Variants in SLC25A24 observed in about 807,000 individuals in gnomAD.
SLC25A24 encodes the protein mitochondrial adenyl nucleotide antiporter SLC25A24.
Under a neutral mutation model 60.7 loss-of-function variants are expected in SLC25A24, and 49 were observed. The ratio of observed to expected loss-of-function variants is 0.81; its 90% CI spans 0.64 to 1.02. SLC25A24 has a LOEUF of 1.02. Ranked by LOEUF, SLC25A24 falls within the 50% of genes least tolerant of loss-of-function variation. The probability of loss-of-function intolerance (pLI) is 0.00; values close to 1 mark genes in which losing one functional copy is unlikely to be tolerated. For synonymous variants in SLC25A24, 202 were observed against 200.6 expected, an observed-to-expected ratio of 1.01 and a Z score of -0.06; for missense variants, 564 against 586.3, an observed-to-expected ratio of 0.96 and a Z score of 0.39.
At chr1:108,187,816 C>CA (rs1648184548) in intron 1 of SLC25A24, among the ~76,000 whole-genome samples, 1 of 149,092 alleles carries the variant, frequency 6.7e-6, no homozygotes, top group Non-Finnish European at 1.5e-5. Context: ...AGGGACATCA[C>CA]AAAAAAAGGA....
rs1648625527 is a variant in SLC25A24, at chr1:108,200,267, G to C, written c.-129C>G. 1.1e-6 allele frequency: 1 copy of C among 908,102 alleles called. No individual in the cohort carries two copies. Among genetic ancestry groups the C allele is most frequent in the Non-Finnish European group, 1.5e-6 (1 of 680,162 alleles). 56.3% of individuals were successfully genotyped at this position (908,102 alleles called of 1,614,324 possible). ...CGCAACAGCGTTTGGGGCGCCGTCG[G>C]GGTTGCGGCTGCGGCGCGCAGGGCG... On this transcript the variant is annotated 5_prime_UTR_variant, in exon 1 of 10. Transcript: ENST00000565488.
intron 1 of SLC25A24, among the ~76,000 whole-genome samples, chr1:108,188,508 A>T (rs956512532): frequency 6.6e-6 from 1 of 152,218 alleles, no homozygotes; most frequent in African/African-American, 2.4e-5. Context: ...ATGTCACAGC[A>T]TTCTGTGGCG....
intron 4 of SLC25A24, among the ~76,000 whole-genome samples, chr1:108,160,780 T>C (rs1424307275): frequency 6.6e-6 from 1 of 152,104 alleles, no homozygotes; most frequent in African/African-American, 2.4e-5. Flanking sequence ...AAACCCCGTC[T>C]CCACCAAAAA....
chr1:108,149,143 A>G (rs893851414), intron 6 of SLC25A24, among the ~76,000 whole-genome samples: 2 of 152,242 alleles, frequency 1.3e-5, no homozygotes, highest in African/African-American at 4.8e-5. Context: ...AAATGAATAA[A>G]TAGGTGACAA....
At chr1:108,196,484 TAC>T (rs1402709026) in intron 1 of SLC25A24, among the ~76,000 whole-genome samples, 1 of 152,228 alleles carries the variant, frequency 6.6e-6, no homozygotes, top group Non-Finnish European at 1.5e-5. Flanking sequence ...TGACAAGGAT[TAC>T]ACGGTCAATT....
At chr1:108,141,367 G>A (rs949854537) in intron 8 of SLC25A24, among the ~76,000 whole-genome samples, 2 of 152,116 alleles carry the variant, frequency 1.3e-5, no homozygotes, top group African/African-American at 4.8e-5. Context: ...AATGGTGTTG[G>A]GGAGGACATG....
chr1:108,187,927 G>GATAGATAGATAGATAGATATATAT, intron 1 of SLC25A24, among the ~76,000 whole-genome samples: 2 of 95,746 alleles, frequency 2.1e-5, no homozygotes, highest in African/African-American at 8.3e-5. Context: ...AGACATTATA[G>GATAGATAGATAGATAGATATATAT]ATATATATAT....
At chr1:108,161,408 T>A in intron 3 of SLC25A24, 115 bp from the exon 4 acceptor site, 1 of 648,226 alleles carries the variant, frequency 1.5e-6, no homozygotes, top group Non-Finnish European at 2.7e-6. Flanking sequence ...CTCATTAAAT[T>A]AAAAAACCCC....
chr1:108,197,888 T>TACG (rs1333284998), intron 1 of SLC25A24, among the ~76,000 whole-genome samples: 1 of 152,182 alleles, frequency 6.6e-6, no homozygotes, highest in Non-Finnish European at 1.5e-5. Context: ...GTGTCAGGGT[T>TACG]ACGGAGGCAG....
At chr1:108,187,374 T>C (rs1284773003) in intron 1 of SLC25A24, among the ~76,000 whole-genome samples, 1 of 152,010 alleles carries the variant, frequency 6.6e-6, no homozygotes, top group Non-Finnish European at 1.5e-5. Context: ...AAACACACCA[T>C]TGGGAGGATT....
At chr1:108,173,965 T>C (rs1389325921) in intron 3 of SLC25A24, among the ~76,000 whole-genome samples, 1 of 152,098 alleles carries the variant, frequency 6.6e-6, no homozygotes, top group Non-Finnish European at 1.5e-5. Context: ...GCAGAAGAAA[T>C]TTCTAAGTGG....
chr1:108,191,863 A>G lies in SLC25A24; in HGVS notation c.184-5909T>C, dbSNP rs1014306443. 2.1e-5 allele frequency among the ~76,000 whole-genome samples: 3 copies of G among 139,720 alleles called. 1 individual carries two copies. Among genetic ancestry groups the G allele is most frequent in the Non-Finnish European group, 3.1e-5 (2 of 63,878 alleles). The allele number at this position is 139,720 out of a possible 152,430, so 91.7% of individuals were successfully genotyped here. A position where few individuals can be genotyped will look rare whatever the true frequency, so the allele number is the denominator to read the frequency against. On this transcript the variant is annotated intron_variant, in intron 1 of 9. Transcript: ENST00000565488. ...AATAATAAATTCCAAATGAAAAATG[A>G]CTTGGAAATACTGCAATAGGAGTAT...
chr1:108,183,213 A>AG (rs33997532), intron 2 of SLC25A24, among the ~76,000 whole-genome samples: 30,388 of 152,162 alleles, frequency 0.2, 3,165 homozygotes, highest in Admixed American at 0.22. Context: ...AGGACCCTGG[A>AG]GAGATGACAG....
chr1:108,142,540 T>C (rs1679470813), intron 8 of SLC25A24, among the ~76,000 whole-genome samples: 1 of 152,224 alleles, frequency 6.6e-6, no homozygotes, highest in Non-Finnish European at 1.5e-5. Flanking sequence ...TACTGTATGA[T>C]TCTACTTATA....
chr1:108,169,171 T>C (rs957572037), intron 3 of SLC25A24, among the ~76,000 whole-genome samples: 4 of 152,230 alleles, frequency 2.6e-5, no homozygotes, highest in African/African-American at 9.6e-5. Context: ...ACTTGTTAAC[T>C]TGTCTGTTTC....
intron 6 of SLC25A24, among the ~76,000 whole-genome samples, chr1:108,150,783 C>T (rs1399271155): frequency 1.3e-5 from 2 of 151,678 alleles, no homozygotes; most frequent in Admixed American, 1.3e-4. Flanking sequence ...CACTCCCTTT[C>T]CCTACACACA....
At chr1:108,196,639 T>C (rs149585764) in intron 1 of SLC25A24, among the ~76,000 whole-genome samples, 1 of 152,336 alleles carries the variant, frequency 6.6e-6, no homozygotes, top group Non-Finnish European at 1.5e-5. Context: ...TTCCAGACAC[T>C]GGAAGTCCTA....
chr1:108,155,174 ATATTAC>A (rs773534747), intron 5 of SLC25A24, 39 bp from the exon 6 acceptor site: 2 of 1,568,992 alleles, frequency 1.3e-6, no homozygotes, highest in African/African-American at 1.4e-5. Flanking sequence ...TGCTGGTGGC[ATATTAC>A]TATTACTTTT....
At chr1:108,184,595 A>C (rs1043409165) in intron 2 of SLC25A24, among the ~76,000 whole-genome samples, 1 of 152,202 alleles carries the variant, frequency 6.6e-6, no homozygotes, top group Non-Finnish European at 1.5e-5. Flanking sequence ...ATTGTAAATC[A>C]GGGGATGGCA....
Sources: gnomAD v4.1 joint callset for allele counts (sites outside exome capture counted in the v4.1 genomes callset) on GRCh38, gnomAD v4.1.1 for gene constraint, MANE v1.5 for transcripts, NCBI Gene and HGNC (gene_info 2026-07-23, HGNC 2026-07-21) for gene names.